CCT4: variants seen among roughly 807,000 people sequenced by gnomAD.
CCT4 encodes the protein T-complex protein 1 subunit delta.
Under a neutral mutation model 62.5 loss-of-function variants are expected in CCT4, and 17 were observed. That is an observed-to-expected ratio of 0.27 (90% CI 0.19 to 0.41). The LOEUF is 0.41. Ranked by LOEUF, CCT4 falls within the 10% of genes least tolerant of loss-of-function variation. CCT4 has a pLI of 1.00. For missense variants in CCT4, 592 were observed against 659.2 expected (o/e 0.90, Z 1.12); for synonymous variants, 250 against 229.9 (o/e 1.09, Z -0.79).
At chr2:61,877,979 T>C (rs1249295287) in intron 5 of CCT4, among the ~76,000 whole-genome samples, 2 of 152,186 alleles carry the variant, frequency 1.3e-5, no homozygotes, top group African/African-American at 4.8e-5. Flanking sequence ...ATGGAGAAAC[T>C]GAAGCCAAGA....
Position 61,888,605 on chromosome 2 carries a change from C to A in CCT4, c.-98G>T. On this transcript the variant is annotated 5_prime_UTR_variant, in exon 1 of 14. Transcript: ENST00000394440. ...TAACGGTAAGCCCTCACTGCCTTCA[C>A]GAACCTTCCAGAAAGCGGCGCCGGC... 4.3e-6 allele frequency: 6 copies of A among 1,396,128 alleles called. No individual in the cohort carries two copies. The South Asian group carries it at 7.0e-5, about 16-fold the overall frequency. The allele number at this position is 1,396,128 out of a possible 1,614,324, so 86.5% of individuals were successfully genotyped here. A position where few individuals can be genotyped will look rare whatever the true frequency, so the allele number is the denominator to read the frequency against.
intron 3 of CCT4, among the ~76,000 whole-genome samples, chr2:61,882,806 C>T (rs1669148079): frequency 7.1e-6 from 1 of 140,246 alleles, no homozygotes; most frequent in Non-Finnish European, 1.6e-5. Context: ...CCACTGTGCC[C>T]AGCTTTTTTT....
chr2:61,875,307 G>A (rs930657005), intron 8 of CCT4, among the ~76,000 whole-genome samples: 9 of 152,126 alleles, frequency 5.9e-5, no homozygotes, highest in South Asian at 2.1e-4. Context: ...GGCTGGGTGC[G>A]GTGGCTCATG....
chr2:61,877,398 C>G lies in CCT4; in HGVS notation c.639G>C (p.Lys213Asn). 6.8e-7 allele frequency: 1 copy of G among 1,479,944 alleles called. No homozygotes were observed. The highest frequency in any genetic ancestry group is 9.0e-7 in the Non-Finnish European group (1 of 1,110,492). The allele number at this position is 1,479,944 out of a possible 1,614,324, so 91.7% of individuals were successfully genotyped here. ...VDLRDIKIVK[K>N]LGGTIDDCEL... ...TTGTAATTAGAGATGCTTACCCAAG[C>G]TTCTTAACTATTTTAATATCTCTAA... The change falls in exon 6 of 14, where the codon AAG (lysine) becomes AAC (asparagine). Residue 213 changes from lysine (K) to asparagine (N), a missense_variant. Lys to Asn is a moderately conservative substitution (Grantham distance 94). Around this residue, in one of 3 missense-constraint regions of CCT4, gnomAD observed 522 missense variants for 571.2 expected, o/e 0.91. Coordinates refer to ENST00000394440, the MANE Select transcript of CCT4 (RefSeq NM_006430.4).
At chr2:61,876,858 G>C (rs1669011469) in intron 7 of CCT4, 62 bp downstream of exon 7, 1 of 1,372,898 alleles carries the variant, frequency 7.3e-7, no homozygotes, top group South Asian at 1.4e-5. Context: ...TTTTAATAAA[G>C]AAATGCCTGA....
At chr2:61,880,539 G>A (rs1019522949) in intron 3 of CCT4, 145 bp from the exon 4 acceptor site, 23 of 600,392 alleles carry the variant, frequency 3.8e-5, no homozygotes, top group Non-Finnish European at 5.2e-5. Flanking sequence ...GTCTACCTTG[G>A]GTTTCATTTA....
chr2:61,879,046 A>G, intron 4 of CCT4, 35 bp from the exon 5 acceptor site: 1 of 1,515,042 alleles, frequency 6.6e-7, no homozygotes, highest in South Asian at 1.2e-5. Flanking sequence ...TTTAATTGTA[A>G]CAGGTAAACT....
chr2:61,878,745 T>C (rs905927747), intron 5 of CCT4, 124 bp downstream of exon 5: 3 of 573,614 alleles, frequency 5.2e-6, no homozygotes, highest in South Asian at 6.3e-5. Flanking sequence ...AATTCAATTA[T>C]ACAGATTATA....
chr2:61,876,027 A>G, intron 8 of CCT4, 68 bp downstream of exon 8: 1 of 1,004,396 alleles, frequency 1.0e-6, no homozygotes, highest in Non-Finnish European at 1.5e-6. Context: ...ATTTTATCAG[A>G]AAAAATAAAC....
At chr2:61,881,763 T>A (rs1031173852) in intron 3 of CCT4, among the ~76,000 whole-genome samples, 10 of 152,132 alleles carry the variant, frequency 6.6e-5, no homozygotes, top group African/African-American at 2.2e-4. Context: ...TTTTAATGGC[T>A]GTATGATTAA....
At chr2:61,874,194 T>C (rs920091302) in intron 8 of CCT4, among the ~76,000 whole-genome samples, 11 of 152,166 alleles carry the variant, frequency 7.2e-5, no homozygotes, top group African/African-American at 2.4e-4. Context: ...TGGGGGGCAA[T>C]TTACTCAAGG....
At chr2:61,874,188 G>C (rs548316032) in intron 8 of CCT4, among the ~76,000 whole-genome samples, 19 of 152,206 alleles carry the variant, frequency 1.2e-4, no homozygotes, top group Middle Eastern at 6.8e-3. Flanking sequence ...TGAGTTTGGG[G>C]GGCAATTTAC....
intron 1 of CCT4, among the ~76,000 whole-genome samples, chr2:61,886,792 G>A (rs960785400): frequency 2.0e-5 from 3 of 149,570 alleles, no homozygotes; most frequent in Non-Finnish European, 3.0e-5. Flanking sequence ...ACGGAGTTTC[G>A]CTCGTCACCC....
rs1216181852 is a variant in CCT4 at position 61,883,773 on chromosome 2, G to GACAGACACAC, written c.181-226_181-225insGTGTGTCTGT. ...GGTAATCTAAAAGTGAAGAAATGTA[G>GACAGACACAC]ACACACACACACACACACACACACA... On this transcript the variant is annotated intron_variant, in intron 2 of 13. Coordinates refer to ENST00000394440, the MANE Select transcript of CCT4 (RefSeq NM_006430.4). Among the ~76,000 whole-genome samples, 462 of 143,904 alleles carry GACAGACACAC rather than the reference G, an allele frequency of 3.2e-3. 1 individual carries two copies. Among genetic ancestry groups the GACAGACACAC allele is most frequent in the East Asian group, 0.012 (59 of 4,740 alleles). The allele number at this position is 143,904 out of a possible 152,430, so 94.4% of individuals were successfully genotyped here.
At chr2:61,876,636 G>A (rs1158215038) in intron 7 of CCT4, among the ~76,000 whole-genome samples, 1 of 152,134 alleles carries the variant, frequency 6.6e-6, no homozygotes, top group African/African-American at 2.4e-5. Flanking sequence ...ATAGCACCCT[G>A]CAACCTCAAA....
rs747542253 is a variant in CCT4, at chr2:61,869,547, T to C, written c.1498A>G (p.Ile500Val). 5 of 1,579,790 alleles carry C rather than the reference T, an allele frequency of 3.2e-6. No individual in the cohort carries two copies. In the Admixed American group the frequency reaches 8.3e-5, roughly 26 times the overall value. ...TAGINVRKGG[I>V]SNILEELVVQ... The stretch of plus-strand genomic sequence containing the variant: ...ACCAGTTCCTCCAAAATGTTGGAAA[T>C]ACCACCCTGCAAATCAAATCAGCAC... The change falls in exon 13 of 14, where the codon ATT becomes GTT. Residue 500 changes from isoleucine (I) to valine (V), a missense_variant. Coordinates refer to ENST00000394440, the MANE Select transcript of CCT4 (RefSeq NM_006430.4).
Position 61,873,230 on chromosome 2 carries a change from A to G in CCT4, c.981T>C (p.Asp327=), listed in dbSNP as rs758936362. Residue 327 remains aspartate, a synonymous_variant, in exon 9 of 14, where the codon GAT becomes GAC. Coordinates refer to ENST00000394440, the MANE Select transcript of CCT4 (RefSeq NM_006430.4). The part of the protein sequence containing the change: ...LNKMKIMVIK[D]IEREDIEFIC... ...TGAATTCAATGTCTTCTCTTTCAAT[A>G]TCCTTAATCACCATGATCTTCATTT... 16 of 1,529,172 alleles carry G rather than the reference A, an allele frequency of 1.0e-5. No homozygotes were observed. In the Admixed American group the frequency reaches 2.7e-4, roughly 26 times the overall value. The allele number at this position is 1,529,172 out of a possible 1,614,324, so 94.7% of individuals were successfully genotyped here.
intron 2 of CCT4, 29 bp downstream of exon 2, chr2:61,884,991 T>A: frequency 6.5e-7 from 1 of 1,535,714 alleles, no homozygotes. Context: ...AGTGCTCAAT[T>A]AGTAGTATTC....
At chr2:61,871,784 A>G (rs1668889658) in intron 12 of CCT4, among the ~76,000 whole-genome samples, 1 of 152,258 alleles carries the variant, frequency 6.6e-6, no homozygotes, top group Non-Finnish European at 1.5e-5. Flanking sequence ...CAACAGGCCT[A>G]TGAGGGAACT....
Sources: allele counts gnomAD v4.1 joint callset (sites outside exome capture counted in the v4.1 genomes callset), GRCh38; gene constraint gnomAD v4.1.1; regional missense constraint gnomAD v4.1.1; transcripts MANE v1.5; gene names NCBI Gene and HGNC (gene_info 2026-07-23, HGNC 2026-07-21).